ASS1: variants seen among roughly 807,000 people sequenced by gnomAD.
The protein encoded by ASS1 is argininosuccinate synthase.
In ASS1, 58 loss-of-function variants were observed where a neutral mutation model predicts 60.5. The observed-to-expected ratio is 0.96, with a 90% CI of 0.78 to 1.19. The LOEUF is 1.19. Among genes scored for constraint, ASS1 ranks in the 50% most tolerant of loss-of-function variants. The pLI is 0.00. For synonymous variants in ASS1, 200 were observed against 206.9 expected, an observed-to-expected ratio of 0.97 and a Z score of 0.29; for missense variants, 454 against 547.3, an observed-to-expected ratio of 0.83 and a Z score of 1.70.
At chr9:130,455,784 T>G (rs907647385) in intron 3 of ASS1, among the ~76,000 whole-genome samples, 2 of 152,276 alleles carry the variant, frequency 1.3e-5, no homozygotes, top group Admixed American at 1.3e-4. Flanking sequence ...CCAGCCCACC[T>G]GCAGGGTCAG....
At chr9:130,464,080 G>T in intron 4 of ASS1, 31 bp from the exon 5 acceptor site, 1 of 1,613,934 alleles carries the variant, frequency 6.2e-7, no homozygotes, top group Non-Finnish European at 8.5e-7. Context: ...CCATCCTGTG[G>T]CTCCTGACAG....
At chr9:130,451,179 C>T (rs560836494) in intron 1 of ASS1, among the ~76,000 whole-genome samples, 21 of 152,264 alleles carry the variant, frequency 1.4e-4, no homozygotes, top group South Asian at 6.2e-4. Flanking sequence ...GGAGAGCCCT[C>T]GGGGAAGAAG....
In ASS1 at chr9:130,479,699, C is replaced by T. The variant is rs751231305; in HGVS notation, c.689-17C>T. On this transcript the variant is annotated splice_polypyrimidine_tract_variant and intron_variant, in intron 9 of 14. Coordinates refer to ENST00000352480, the MANE Select transcript of ASS1 (RefSeq NM_054012.4). The stretch of plus-strand genomic sequence containing the variant: ...GAGCCGGGCCCAGAGGCCCACTGCC[C>T]TCTCTTCCCACCCTAGGGGTCCCTG... 1.9e-6 allele frequency: 3 copies of T among 1,609,124 alleles called. No individual in the cohort carries two copies. Among genetic ancestry groups the T allele is most frequent in the Non-Finnish European group, 2.6e-6 (3 of 1,175,566 alleles).
chr9:130,489,585 C>T lies in ASS1; in HGVS notation c.970+121C>T. On this transcript the variant is annotated intron_variant, in intron 12 of 14. Coordinates refer to ENST00000352480, the MANE Select transcript of ASS1 (RefSeq NM_054012.4). The surrounding 1 kb of genome is among the most constrained non-coding windows in gnomAD (Gnocchi z 4.1). ...CACCTTCCTCCCCTGCCGCCCACTG[C>T]CATCCTCATGTGAGACCCCAAAAGG... 6.6e-7 allele frequency: 1 copy of T among 1,514,456 alleles called. No homozygotes were observed. The allele number at this position is 1,514,456 out of a possible 1,614,324, so 93.8% of individuals were successfully genotyped here.
chr9:130,445,326 C>T lies in ASS1; in HGVS notation c.-6+331C>T, dbSNP rs895756523. The T allele has an allele frequency of 5.0e-6, 4 of 800,788 alleles. No homozygotes were observed. The African/African-American group carries it at 7.5e-5, about 15-fold the overall frequency. 49.6% of individuals were successfully genotyped at this position (800,788 alleles called of 1,614,324 possible). A position where few individuals can be genotyped will look rare whatever the true frequency, so the allele number is the denominator to read the frequency against. On this transcript the variant is annotated intron_variant, in intron 1 of 14. Transcript: ENST00000352480. ...TCCTTTCTGGACTCCTTGTCGGATC[C>T]GGCTTCCTCTGTGTCGTGAAGCCCC...
At chr9:130,495,086 C>A in intron 13 of ASS1, 63 bp downstream of exon 13, 1 of 1,538,946 alleles carries the variant, frequency 6.5e-7, no homozygotes, top group South Asian at 1.2e-5. Context: ...TTGACTGGAT[C>A]CTCAAGACAT....
intron 1 of ASS1, chr9:130,450,204 A>T: frequency 8.5e-6 from 8 of 941,086 alleles, no homozygotes; most frequent in Non-Finnish European, 1.0e-5. Flanking sequence ...GCGGCTGGAA[A>T]GTAAGGTTTA....
chr9:130,496,920 T>C (rs1280538958), intron 13 of ASS1, among the ~76,000 whole-genome samples: 1 of 152,252 alleles, frequency 6.6e-6, no homozygotes, highest in African/African-American at 2.4e-5. Flanking sequence ...CCCTCCCTCC[T>C]GGAGGCTGGT....
chr9:130,475,090 C>A (rs1845981642), intron 8 of ASS1, among the ~76,000 whole-genome samples: 1 of 152,220 alleles, frequency 6.6e-6, no homozygotes, highest in Admixed American at 6.5e-5. Flanking sequence ...TAAGAGGTTT[C>A]TTGGGACAAA....
intron 13 of ASS1, among the ~76,000 whole-genome samples, chr9:130,495,466 T>TACAC (rs1296659536): frequency 1.2e-4 from 10 of 81,470 alleles, no homozygotes; most frequent in Admixed American, 6.4e-4. Context: ...TATATACACA[T>TACAC]ACATATACAC....
chr9:130,447,391 CTTG>C (rs1588467196), intron 1 of ASS1, among the ~76,000 whole-genome samples: 1 of 152,256 alleles, frequency 6.6e-6, no homozygotes, highest in Non-Finnish European at 1.5e-5. Context: ...AGTAGCCGCT[CTTG>C]TTGTCATTCC....
intron 5 of ASS1, among the ~76,000 whole-genome samples, chr9:130,466,273 CAGAGA>C (rs1165991095): frequency 1.3e-5 from 2 of 152,198 alleles, no homozygotes; most frequent in African/African-American, 4.8e-5. Flanking sequence ...CTTCCACACC[CAGAGA>C]AGTGGGTGGG....
Position 130,478,040 on chromosome 9 carries a change from C to G in ASS1, c.688+1079C>G, listed in dbSNP as rs879229485. Among the ~76,000 whole-genome samples the G allele has an allele frequency of 6.6e-6, 1 of 152,136 alleles. No individual in the cohort carries two copies. The highest frequency in any genetic ancestry group is 1.5e-5 in the Non-Finnish European group (1 of 68,016). The stretch of plus-strand genomic sequence containing the variant: ...CATGCTGGGCCTTGGGTGCACTCAT[C>G]AAAAAACGGACCACAGGCATGATGC... On this transcript the variant is annotated intron_variant, in intron 9 of 14. Transcript: ENST00000352480. The surrounding 1 kb of genome is among the most constrained non-coding windows in gnomAD (Gnocchi z 4.7).
intron 3 of ASS1, among the ~76,000 whole-genome samples, chr9:130,456,527 A>C (rs900611217): frequency 6.6e-6 from 1 of 152,232 alleles, no homozygotes; most frequent in Non-Finnish European, 1.5e-5. Context: ...TTTTTTATAT[A>C]TCCTTAGTCC....
chr9:130,469,248 G>A (rs1845816324), intron 6 of ASS1, among the ~76,000 whole-genome samples: 1 of 152,222 alleles, frequency 6.6e-6, no homozygotes, highest in African/African-American at 2.4e-5. Context: ...CAAGGGCACA[G>A]GGCGAGTGTG....
rs554099766 is a variant in ASS1, at chr9:130,497,306, G to A, written c.1128-2199G>A. On this transcript the variant is annotated intron_variant, in intron 13 of 14. Transcript: ENST00000352480. ...CCCTTTTCTTTTTGATTTCTACATCGCTGACTTGAAAGCCCTTGAGTGACA... is the reference window on the plus strand; with the variant it reads ...CCCTTTTCTTTTTGATTTCTACATCACTGACTTGAAAGCCCTTGAGTGACA... Among the ~76,000 whole-genome samples the A allele has an allele frequency of 5.9e-5, 9 of 152,140 alleles. No individual in the cohort carries two copies. The South Asian group carries it at 1.9e-3, about 32-fold the overall frequency.
chr9:130,466,654 T>A, intron 5 of ASS1, 71 bp from the exon 6 acceptor site: 1 of 1,481,122 alleles, frequency 6.8e-7, no homozygotes, highest in South Asian at 1.1e-5. Context: ...AGAGGCCAGC[T>A]CTGCAGCTTA....
At chr9:130,460,206 A>G (rs1177003650) in intron 4 of ASS1, among the ~76,000 whole-genome samples, 1 of 152,160 alleles carries the variant, frequency 6.6e-6, no homozygotes. Flanking sequence ...AGGGACACAC[A>G]CAGCTAAGAT....
At chr9:130,464,931 T>C (rs1845690663) in intron 5 of ASS1, among the ~76,000 whole-genome samples, 1 of 151,708 alleles carries the variant, frequency 6.6e-6, no homozygotes, top group East Asian at 1.9e-4. Context: ...CAGTGGGAGT[T>C]TGAGGCACAC....
Sources: allele counts gnomAD v4.1 joint callset (sites outside exome capture counted in the v4.1 genomes callset), GRCh38; gene constraint gnomAD v4.1.1; non-coding constraint Gnocchi (gnomAD v3.1); transcripts MANE v1.5; gene names NCBI Gene and HGNC (gene_info 2026-07-23, HGNC 2026-07-21).